Variants in CLEC16A observed in about 807,000 individuals in gnomAD.
CLEC16A encodes the protein protein CLEC16A.
Under a neutral mutation model 109.5 loss-of-function variants are expected in CLEC16A, and 51 were observed. The observed-to-expected ratio is 0.47, with a 90% CI of 0.37 to 0.59. The LOEUF (loss-of-function observed/expected upper bound fraction) is 0.59. Among genes scored for constraint, CLEC16A ranks in the 20% least tolerant of loss-of-function variants. The pLI is 0.00. For missense variants in CLEC16A, 1,339 were observed against 1,394.0 expected (o/e 0.96, Z 0.63); for synonymous variants, 673 against 564.2 (o/e 1.19, Z -2.73).
Position 11,126,125 on chromosome 16 carries a change from G to T in CLEC16A, c.2620G>T (p.Ala874Ser). ...SDPTVQRSVF[A>S]SVDKVPGFAV... ...CCCCACAGTGCAGCGCTCCGTGTTT[G>T]CATCGGTGGACAAGGTGCCAGGTGA... Residue 874 changes from alanine (A) to serine (S), a missense_variant, in exon 22 of 24, where the codon GCA becomes TCA. Physicochemically the swap from Ala to Ser is moderately conservative, Grantham distance 99. Transcript: ENST00000409790. The T allele has an allele frequency of 6.2e-7, 1 of 1,613,800 alleles. No individual in the cohort carries two copies. The highest frequency in any genetic ancestry group is 8.5e-7 in the Non-Finnish European group (1 of 1,179,870).
chr16:10,988,238 T>C (rs766947327), intron 10 of CLEC16A, among the ~76,000 whole-genome samples: 13 of 152,230 alleles, frequency 8.5e-5, no homozygotes, highest in Non-Finnish European at 1.5e-5. Flanking sequence ...TTTTTTTTCC[T>C]CTTGGGTTTC....
chr16:10,988,383 C>T (rs11644931), intron 10 of CLEC16A, among the ~76,000 whole-genome samples: 13,354 of 152,098 alleles, frequency 0.088, 629 homozygotes, highest in African/African-American at 0.12. Flanking sequence ...CTGACCCCTG[C>T]CCTCCCTGGG....
At chr16:11,025,404 C>T (rs575379798) in intron 13 of CLEC16A, among the ~76,000 whole-genome samples, 1 of 152,300 alleles carries the variant, frequency 6.6e-6, no homozygotes, top group Non-Finnish European at 1.5e-5. Flanking sequence ...GGTTCTCTGG[C>T]TTCCCCTATT....
chr16:11,038,886 CAG>C (rs1397341857), intron 13 of CLEC16A, among the ~76,000 whole-genome samples: 1 of 152,184 alleles, frequency 6.6e-6, no homozygotes. Context: ...ATGTCACCCT[CAG>C]GGGCAGGCGT....
intron 22 of CLEC16A, among the ~76,000 whole-genome samples, chr16:11,139,370 A>T (rs2053717700): frequency 6.6e-6 from 1 of 152,202 alleles, no homozygotes; most frequent in South Asian, 2.1e-4. Flanking sequence ...CCATGACTAA[A>T]ATACAGTTTT....
At chr16:10,959,012 C>T (rs1022160450) in intron 2 of CLEC16A, among the ~76,000 whole-genome samples, 6 of 113,092 alleles carry the variant, frequency 5.3e-5, no homozygotes, top group Admixed American at 3.4e-4. Context: ...CCACTAAACA[C>T]GGGTGTGTGT....
intron 21 of CLEC16A, among the ~76,000 whole-genome samples, chr16:11,125,132 G>A (rs551455558): frequency 6.6e-6 from 1 of 152,134 alleles, no homozygotes. Flanking sequence ...TTACCGATGC[G>A]ATGATTTACT....
chr16:11,156,211 A>AC (rs1408794597), intron 22 of CLEC16A, among the ~76,000 whole-genome samples: 1 of 151,904 alleles, frequency 6.6e-6, no homozygotes, highest in Non-Finnish European at 1.5e-5. Context: ...AAATACAAAA[A>AC]CAAAAAAAAT....
chr16:10,962,659 C>T (rs1279290140), intron 3 of CLEC16A, 71 bp downstream of exon 3: 2 of 1,545,544 alleles, frequency 1.3e-6, no homozygotes, highest in Non-Finnish European at 1.8e-6. Context: ...GCGTGGTTTT[C>T]TGTGTCTGCG....
chr16:11,094,988 A>G (rs893176826), intron 19 of CLEC16A, among the ~76,000 whole-genome samples: 1 of 152,166 alleles, frequency 6.6e-6, no homozygotes, highest in African/African-American at 2.4e-5. Context: ...GATGCGTTTG[A>G]AGTTTCTACT....
chr16:11,148,223 C>T (rs1377617291), intron 22 of CLEC16A, among the ~76,000 whole-genome samples: 1 of 152,086 alleles, frequency 6.6e-6, no homozygotes, highest in African/African-American at 2.4e-5. Flanking sequence ...TTTGTTGTTC[C>T]GGAACTTATT....
At chr16:10,983,513 T>C (rs2043447825) in intron 10 of CLEC16A, among the ~76,000 whole-genome samples, 1 of 152,218 alleles carries the variant, frequency 6.6e-6, no homozygotes, top group Non-Finnish European at 1.5e-5. Context: ...GAAAAACGCA[T>C]TGTTACGTGT....
At chr16:11,011,824 T>C (rs1276362174) in intron 11 of CLEC16A, among the ~76,000 whole-genome samples, 2 of 152,178 alleles carry the variant, frequency 1.3e-5, no homozygotes, top group Non-Finnish European at 2.9e-5. Context: ...CCAGTGAATT[T>C]ACAGGTTTTT....
chr16:11,078,673 GAGCAGGTTTT>G (rs1331673004), intron 19 of CLEC16A, among the ~76,000 whole-genome samples: 2 of 152,174 alleles, frequency 1.3e-5, no homozygotes. Flanking sequence ...CCCCGTCGTT[GAGCAGGTTTT>G]AGAGGAAGAG....
In CLEC16A at chr16:11,000,516, T is replaced by C. The variant is rs76049632; in HGVS notation, c.1072-2558T>C. 6.8e-3 allele frequency among the ~76,000 whole-genome samples: 1,030 copies of C among 152,178 alleles called. 8 individuals carry two copies. Among genetic ancestry groups the C allele is most frequent in the Non-Finnish European group, 0.01 (706 of 68,008 alleles). On this transcript the variant is annotated intron_variant, in intron 10 of 23. Coordinates refer to ENST00000409790, the MANE Select transcript of CLEC16A (RefSeq NM_015226.3). ...GATGGGAGGAAGCTAACTTCCTGGG[T>C]TTGGATGCTTCAGGAGAAGATGAGA... is the stretch of plus-strand genomic sequence containing the variant.
intron 23 of CLEC16A, among the ~76,000 whole-genome samples, chr16:11,177,159 A>G (rs1007022024): frequency 1.4e-4 from 22 of 152,194 alleles, no homozygotes; most frequent in African/African-American, 5.3e-4. Flanking sequence ...TCCAAGCAGG[A>G]TGCCCACTGT....
At chr16:11,064,608 C>G (rs765659444) in intron 19 of CLEC16A, among the ~76,000 whole-genome samples, 1 of 152,106 alleles carries the variant, frequency 6.6e-6, no homozygotes, top group Admixed American at 6.6e-5. Flanking sequence ...GAGACCTTGT[C>G]TCTACTAAAA....
chr16:11,139,633 G>T (rs1183836878), intron 22 of CLEC16A, among the ~76,000 whole-genome samples: 1 of 152,168 alleles, frequency 6.6e-6, no homozygotes, highest in Admixed American at 6.5e-5. Flanking sequence ...TACTGTCTCT[G>T]TCACTCCCTG....
chr16:11,123,246 G>T (rs896697181), intron 20 of CLEC16A, among the ~76,000 whole-genome samples: 1 of 152,130 alleles, frequency 6.6e-6, no homozygotes, highest in Non-Finnish European at 1.5e-5. Flanking sequence ...GGGACCAGAA[G>T]TTTGTCAAAG....
Sources: gnomAD v4.1 joint callset for allele counts (sites outside exome capture counted in the v4.1 genomes callset) on GRCh38, gnomAD v4.1.1 for gene constraint, MANE v1.5 for transcripts, NCBI Gene and HGNC (gene_info 2026-07-23, HGNC 2026-07-21) for gene names.